Variants in PUS10 observed in about 807,000 individuals in gnomAD.
The protein encoded by PUS10 is pseudouridine synthase 10, also known as tRNA pseudouridine synthase Pus10.
Under a neutral mutation model 75.0 loss-of-function variants are expected in PUS10, and 59 were observed. That is an observed-to-expected ratio of 0.79 (90% CI 0.64 to 0.98). PUS10 has a LOEUF of 0.98. Ranked by LOEUF, PUS10 falls within the 50% of genes least tolerant of loss-of-function variation. The probability of loss-of-function intolerance (pLI) is 0.00; values close to 1 mark genes in which losing one functional copy is unlikely to be tolerated. For missense variants in PUS10, 650 were observed against 614.4 expected (o/e 1.06, Z -0.61); for synonymous variants, 219 against 211.6 (o/e 1.03, Z -0.30).
chr2:60,983,787 A>C (rs1273155841), intron 4 of PUS10, among the ~76,000 whole-genome samples: 18 of 152,126 alleles, frequency 1.2e-4, no homozygotes, highest in Admixed American at 1.2e-3. Context: ...ATATTTTTAA[A>C]ATAGTAAAAA....
At chr2:61,005,151 C>T (rs1679123876) in intron 4 of PUS10, among the ~76,000 whole-genome samples, 2 of 152,252 alleles carry the variant, frequency 1.3e-5, no homozygotes, top group African/African-American at 4.8e-5. Context: ...AGCCCAGCTA[C>T]TTGGGAGACT....
At chr2:60,949,414 C>T (rs1231669697) in intron 15 of PUS10, among the ~76,000 whole-genome samples, 3 of 152,134 alleles carry the variant, frequency 2.0e-5, no homozygotes, top group Non-Finnish European at 4.4e-5. Context: ...GACAGTTGGT[C>T]AATGGAAATA....
intron 1 of PUS10, among the ~76,000 whole-genome samples, chr2:61,013,193 T>C (rs761378621): frequency 6.6e-6 from 1 of 150,478 alleles, no homozygotes; most frequent in Non-Finnish European, 1.5e-5. Flanking sequence ...GTAGAGGTTG[T>C]AGTGAATCAA....
intron 5 of PUS10, among the ~76,000 whole-genome samples, chr2:60,970,758 A>G (rs1676609786): frequency 6.6e-6 from 1 of 152,240 alleles, no homozygotes; most frequent in Non-Finnish European, 1.5e-5. Context: ...CAAGTGTTTC[A>G]GATAAAGGAT....
At chr2:60,969,595 A>G (rs530464916) in intron 5 of PUS10, among the ~76,000 whole-genome samples, 1 of 152,360 alleles carries the variant, frequency 6.6e-6, no homozygotes, top group African/African-American at 2.4e-5. Context: ...GATGAACCAG[A>G]GTATGCAAGG....
intron 17 of PUS10, among the ~76,000 whole-genome samples, chr2:60,943,083 A>G (rs1674719408): frequency 6.6e-6 from 1 of 151,996 alleles, no homozygotes; most frequent in African/African-American, 2.4e-5. Context: ...GTAGCAAACA[A>G]ATTCAAGTGA....
At chr2:60,942,458 A>G in intron 17 of PUS10, 25 bp from the exon 18 acceptor site, 2 of 1,584,628 alleles carry the variant, frequency 1.3e-6, no homozygotes, top group Non-Finnish European at 1.7e-6. Flanking sequence ...AGAAGTCATT[A>G]AAACAGATAT....
At chr2:61,000,989 G>A (rs1046201353) in intron 4 of PUS10, among the ~76,000 whole-genome samples, 1 of 152,164 alleles carries the variant, frequency 6.6e-6, no homozygotes, top group African/African-American at 2.4e-5. Context: ...TCACCATGTG[G>A]AGCATTCGTT....
Position 61,006,549 on chromosome 2 carries a change from G to T in PUS10, c.468+8C>A. On this transcript the variant is annotated splice_region_variant and intron_variant, in intron 4 of 17. Coordinates refer to ENST00000316752, the MANE Select transcript of PUS10 (RefSeq NM_144709.4). ...CACATACAGTTTTATGCATGCAAATGACCTTACCTCTCTTACAGATAGTTG... is the reference window on the plus strand; with the variant it reads ...CACATACAGTTTTATGCATGCAAATTACCTTACCTCTCTTACAGATAGTTG... The T allele has an allele frequency of 6.2e-7, 1 of 1,601,702 alleles. No individual in the cohort carries two copies. The highest frequency in any genetic ancestry group is 1.1e-5 in the South Asian group (1 of 89,956).
chr2:61,013,836 C>T (rs897228509), intron 1 of PUS10, among the ~76,000 whole-genome samples: 1 of 151,838 alleles, frequency 6.6e-6, no homozygotes, highest in African/African-American at 2.4e-5. Flanking sequence ...ACCAGCCTGA[C>T]CAACATGGTG....
intron 9 of PUS10, among the ~76,000 whole-genome samples, chr2:60,962,528 T>C (rs1676090505): frequency 6.6e-6 from 1 of 152,076 alleles, no homozygotes; most frequent in African/African-American, 2.4e-5. Flanking sequence ...GAGCCGAGAC[T>C]GCTCCACTGC....
intron 11 of PUS10, 27 bp downstream of exon 11, chr2:60,960,365 G>T: frequency 2.9e-5 from 38 of 1,304,786 alleles, no homozygotes; most frequent in Non-Finnish European, 3.5e-5. Flanking sequence ...AAAAAAGAAA[G>T]AAAAGTATGA....
At chr2:60,996,695 A>G (rs1451011433) in intron 4 of PUS10, among the ~76,000 whole-genome samples, 2 of 152,162 alleles carry the variant, frequency 1.3e-5, no homozygotes, top group Non-Finnish European at 1.5e-5. Context: ...TACCCCTACG[A>G]GACTTGGAGC....
intron 4 of PUS10, among the ~76,000 whole-genome samples, chr2:60,979,602 T>C (rs901978388): frequency 6.6e-6 from 1 of 152,202 alleles, no homozygotes; most frequent in African/African-American, 2.4e-5. Flanking sequence ...AGACGTGTGA[T>C]TAAATGAATG....
intron 1 of PUS10, 103 bp downstream of exon 1, chr2:61,017,905 G>A (rs562263481): frequency 2.0e-6 from 3 of 1,511,726 alleles, no homozygotes; most frequent in African/African-American, 2.8e-5. Flanking sequence ...CGGGGACTTG[G>A]CAGGAGGCGG....
Position 60,953,964 on chromosome 2 carries a change from T to C in PUS10, c.1159A>G (p.Ile387Val), listed in dbSNP as rs1181079950. Residue 387 changes from isoleucine (I) to valine (V), a missense_variant, in exon 14 of 18, where the codon ATC (isoleucine) becomes GTC (valine). Coordinates refer to ENST00000316752, the MANE Select transcript of PUS10 (RefSeq NM_144709.4). ...ACAAGCTGCAAGTCACGTACTTGGA[T>C]TTTGTTAGATGAGTTATTAATTTTC... ...QQKINNSSNK[I>V]QVRDLQLVTR... 1 of 1,613,876 alleles carries C rather than the reference T, an allele frequency of 6.2e-7. No homozygotes were observed. Among genetic ancestry groups the C allele is most frequent in the African/African-American group, 1.3e-5 (1 of 74,928 alleles).
At chr2:61,003,554 T>A (rs113004862) in intron 4 of PUS10, among the ~76,000 whole-genome samples, 1 of 151,982 alleles carries the variant, frequency 6.6e-6, no homozygotes, top group Admixed American at 6.6e-5. Flanking sequence ...CTTAATTTTT[T>A]TTTTTTTTGA....
At chr2:61,006,680 T>G in intron 3 of PUS10, 37 bp from the exon 4 acceptor site, 1 of 1,497,216 alleles carries the variant, frequency 6.7e-7, no homozygotes, top group Non-Finnish European at 9.2e-7. Context: ...TTCCCAGGAA[T>G]TGCTGAAAAT....
chr2:60,963,040 A>C (rs1246369968), intron 8 of PUS10, 150 bp from the exon 9 acceptor site: 1 of 1,351,944 alleles, frequency 7.4e-7, no homozygotes, highest in Non-Finnish European at 9.5e-7. Context: ...GCATTTCAAG[A>C]AAATAAATAA....
Sources: allele counts gnomAD v4.1 joint callset (sites outside exome capture counted in the v4.1 genomes callset), GRCh38; gene constraint gnomAD v4.1.1; transcripts MANE v1.5; gene names NCBI Gene and HGNC (gene_info 2026-07-23, HGNC 2026-07-21).